SOBP: variants seen among roughly 807,000 people sequenced by gnomAD.
SOBP encodes the protein sine oculis-binding protein homolog.
Under a neutral mutation model 53.6 loss-of-function variants are expected in SOBP, and 4 were observed. That is an observed-to-expected ratio of 0.07 (90% CI 0.04 to 0.17). The LOEUF (loss-of-function observed/expected upper bound fraction) is 0.17, where lower values mean the gene tolerates loss of function less well. SOBP is among the 10% of genes least tolerant of loss of function. SOBP has a pLI of 1.00. For synonymous variants in SOBP, 584 were observed against 522.6 expected (o/e 1.12, Z -1.60); for missense variants, 1,088 against 1,204.7 (o/e 0.90, Z 1.43).
chr6:107,509,390 T>A (rs2114954466), intron 3 of SOBP, among the ~76,000 whole-genome samples: 1 of 146,166 alleles, frequency 6.8e-6, no homozygotes, highest in East Asian at 2.0e-4. Flanking sequence ...GTGAAACTCC[T>A]GTCTCAAAAA....
chr6:107,626,444 G>A (rs1029925649), intron 5 of SOBP, among the ~76,000 whole-genome samples: 5 of 152,226 alleles, frequency 3.3e-5, no homozygotes, highest in African/African-American at 7.2e-5. Flanking sequence ...ATAGAAGATC[G>A]GTTTTCTCTT....
intron 3 of SOBP, among the ~76,000 whole-genome samples, chr6:107,530,267 T>C (rs772703449): frequency 3.3e-5 from 5 of 152,210 alleles, no homozygotes; most frequent in Non-Finnish European, 7.3e-5. Flanking sequence ...TGCTGAAACC[T>C]TCTATTTTGC....
chr6:107,510,185 A>G (rs1783127142), intron 3 of SOBP, among the ~76,000 whole-genome samples: 1 of 152,224 alleles, frequency 6.6e-6, no homozygotes, highest in African/African-American at 2.4e-5. Flanking sequence ...CATAGATAAT[A>G]CATAAACAAA....
chr6:107,528,876 A>G (rs866870630), intron 3 of SOBP, among the ~76,000 whole-genome samples: 2 of 152,194 alleles, frequency 1.3e-5, no homozygotes, highest in African/African-American at 2.4e-5. Context: ...TAAGGCTCTG[A>G]TATGTACTTA....
intron 5 of SOBP, among the ~76,000 whole-genome samples, chr6:107,606,237 C>A (rs897354483): frequency 5.9e-5 from 9 of 151,944 alleles, no homozygotes; most frequent in African/African-American, 2.2e-4. Context: ...CCATCACGCC[C>A]AGCTAATTTT....
rs1345761576 is a variant in SOBP at position 107,490,536 on chromosome 6, TCCACCGCCGCCGCCGCCGCCACCA to T, written c.-71_-48del. 3,286 of 1,014,324 alleles carry T rather than the reference TCCACCGCCGCCGCCGCCGCCACCA, an allele frequency of 3.2e-3. 7 individuals are homozygous for T. Among genetic ancestry groups the T allele is most frequent in the Non-Finnish European group, 4.4e-3 (2,993 of 674,018 alleles). 62.8% of individuals were successfully genotyped at this position (1,014,324 alleles called of 1,614,324 possible). On this transcript the variant is annotated 5_prime_UTR_variant, in exon 1 of 7. Transcript: ENST00000317357. ...CAGCCTCGCCACCATCAGCACCACC[TCCACCGCCGCCGCCGCCGCCACCA>T]CCACCGCCGGCGGCGGCAGCAGCCA...
At chr6:107,552,849 G>C (rs889724884) in intron 4 of SOBP, among the ~76,000 whole-genome samples, 2 of 152,116 alleles carry the variant, frequency 1.3e-5, no homozygotes, top group African/African-American at 4.8e-5. Flanking sequence ...CTTGAACCCA[G>C]GAGTTAGAAA....
chr6:107,492,934 G>A (rs1344206918), intron 1 of SOBP, among the ~76,000 whole-genome samples: 1 of 152,092 alleles, frequency 6.6e-6, no homozygotes, highest in East Asian at 1.9e-4. Context: ...GAGTCTAGTG[G>A]AATTGTTTAG....
chr6:107,515,886 A>G (rs1407375345), intron 3 of SOBP, among the ~76,000 whole-genome samples: 1 of 152,240 alleles, frequency 6.6e-6, no homozygotes, highest in Non-Finnish European at 1.5e-5. Context: ...TTTTCTAGGA[A>G]TGCAAGGTTG....
intron 5 of SOBP, among the ~76,000 whole-genome samples, chr6:107,609,619 G>A (rs767596091): frequency 1.3e-5 from 2 of 152,180 alleles, no homozygotes; most frequent in African/African-American, 4.8e-5. Context: ...CTTCCTGCTT[G>A]ATCTTGAGGG....
At chr6:107,592,835 G>A (rs1168943837) in intron 5 of SOBP, among the ~76,000 whole-genome samples, 1 of 152,090 alleles carries the variant, frequency 6.6e-6, no homozygotes, top group African/African-American at 2.4e-5. Flanking sequence ...GGTTATTCCT[G>A]TATTCCCGTA....
At chr6:107,545,446 A>G (rs1211570798) in intron 4 of SOBP, among the ~76,000 whole-genome samples, 1 of 152,180 alleles carries the variant, frequency 6.6e-6, no homozygotes, top group East Asian at 1.9e-4. Context: ...TTGTGGTGCA[A>G]TGGTGTGGCG....
At chr6:107,595,410 T>G (rs1785913242) in intron 5 of SOBP, among the ~76,000 whole-genome samples, 1 of 147,052 alleles carries the variant, frequency 6.8e-6, no homozygotes, top group Non-Finnish European at 1.5e-5. Flanking sequence ...GCTTGAACTA[T>G]TTTGGTTTGT....
chr6:107,602,839 C>T (rs1288086495), intron 5 of SOBP, among the ~76,000 whole-genome samples: 5 of 152,128 alleles, frequency 3.3e-5, no homozygotes, highest in Non-Finnish European at 7.4e-5. Flanking sequence ...CTGCACAACT[C>T]AAAACTCAAG....
chr6:107,617,044 G>A (rs1786817738), intron 5 of SOBP, among the ~76,000 whole-genome samples: 1 of 152,198 alleles, frequency 6.6e-6, no homozygotes, highest in Non-Finnish European at 1.5e-5. Context: ...GATGAAATGG[G>A]AGGAGGCAGG....
intron 5 of SOBP, among the ~76,000 whole-genome samples, chr6:107,588,620 TC>T (rs1208745060): frequency 6.6e-6 from 1 of 152,234 alleles, no homozygotes; most frequent in African/African-American, 2.4e-5. Flanking sequence ...GTAGCTTACT[TC>T]TTTTTAGAGA....
At chr6:107,519,741 T>G (rs1459103609) in intron 3 of SOBP, among the ~76,000 whole-genome samples, 2 of 152,222 alleles carry the variant, frequency 1.3e-5, no homozygotes, top group Non-Finnish European at 2.9e-5. Context: ...GAATTACCTC[T>G]GCAATTGAAC....
intron 4 of SOBP, among the ~76,000 whole-genome samples, chr6:107,555,008 T>TA (rs1012951457): frequency 1.3e-5 from 2 of 152,132 alleles, no homozygotes; most frequent in African/African-American, 4.8e-5. Context: ...AATCTGTGAT[T>TA]ACATTTTTTT....
intron 4 of SOBP, among the ~76,000 whole-genome samples, chr6:107,546,448 C>A (rs1270937877): frequency 4.6e-5 from 7 of 152,154 alleles, no homozygotes. Context: ...AAAAATAGCA[C>A]GTATACTTGA....
Sources: gnomAD v4.1 joint callset for allele counts (sites outside exome capture counted in the v4.1 genomes callset) on GRCh38, gnomAD v4.1.1 for gene constraint, MANE v1.5 for transcripts, NCBI Gene and HGNC (gene_info 2026-07-23, HGNC 2026-07-21) for gene names.